ABCC4: variants seen among roughly 807,000 people sequenced by gnomAD.
The protein encoded by ABCC4 is ATP-binding cassette sub-family C member 4.
Under a neutral mutation model 168.5 loss-of-function variants are expected in ABCC4, and 102 were observed. The observed-to-expected ratio is 0.61, with a 90% CI of 0.52 to 0.71. ABCC4 has a LOEUF of 0.71. ABCC4 is among the 30% of genes least tolerant of loss of function. The pLI, the probability that ABCC4 is intolerant of heterozygous loss-of-function variation, is 0.00. For missense variants in ABCC4, 1,402 were observed against 1,605.8 expected, an observed-to-expected ratio of 0.87 and a Z score of 2.17; for synonymous variants, 617 against 590.7, an observed-to-expected ratio of 1.04 and a Z score of -0.65.
At chr13:95,297,198 G>C (rs1347931989) in intron 1 of ABCC4, among the ~76,000 whole-genome samples, 1 of 149,780 alleles carries the variant, frequency 6.7e-6, no homozygotes, top group Non-Finnish European at 1.5e-5. Flanking sequence ...TTGAACCCTG[G>C]AGGCGGAGGT....
chr13:95,106,909 T>C (rs1355066783), intron 20 of ABCC4, among the ~76,000 whole-genome samples: 1 of 152,152 alleles, frequency 6.6e-6, no homozygotes, highest in Non-Finnish European at 1.5e-5. Context: ...CTTTGTTGTC[T>C]AAAATCAAAT....
chr13:95,175,954 G>A (rs923725832), intron 13 of ABCC4, among the ~76,000 whole-genome samples: 2 of 152,154 alleles, frequency 1.3e-5, no homozygotes, highest in East Asian at 1.9e-4. Context: ...ACAGGAACAG[G>A]TGCCTGCCTG....
chr13:95,262,845 G>A (rs2040568365), intron 1 of ABCC4, among the ~76,000 whole-genome samples: 1 of 152,110 alleles, frequency 6.6e-6, no homozygotes, highest in African/African-American at 2.4e-5. Flanking sequence ...ATGTTGGCCA[G>A]GCTGGTCTCG....
intron 30 of ABCC4, among the ~76,000 whole-genome samples, chr13:95,024,433 T>C (rs1437650383): frequency 6.6e-6 from 1 of 152,092 alleles, no homozygotes; most frequent in Admixed American, 6.5e-5. Flanking sequence ...TCCTCTAATG[T>C]AGGTTGAAAC....
chr13:95,241,066 T>C (rs1259344440), intron 3 of ABCC4, among the ~76,000 whole-genome samples: 2 of 152,004 alleles, frequency 1.3e-5, no homozygotes, highest in African/African-American at 4.8e-5. Context: ...ATTGAAGTTA[T>C]TAAAAACCAC....
chr13:95,206,912 G>A, intron 7 of ABCC4, 131 bp from the exon 8 acceptor site: 2 of 1,002,778 alleles, frequency 2.0e-6, no homozygotes, highest in Non-Finnish European at 3.0e-6. Context: ...GACCATCCTG[G>A]GCAACAACAA....
chr13:95,202,087 G>A (rs977903406), intron 8 of ABCC4, among the ~76,000 whole-genome samples: 2 of 152,240 alleles, frequency 1.3e-5, no homozygotes, highest in Admixed American at 6.5e-5. Flanking sequence ...TTTCAGTTGA[G>A]ATTAGCATTT....
intron 20 of ABCC4, among the ~76,000 whole-genome samples, chr13:95,089,738 T>C (rs1465527606): frequency 6.6e-6 from 1 of 152,086 alleles, no homozygotes; most frequent in Non-Finnish European, 1.5e-5. Flanking sequence ...TTTATCAGGT[T>C]AACGAAACAG....
chr13:95,112,307 C>G (rs2619314), intron 20 of ABCC4, among the ~76,000 whole-genome samples: 65,096 of 150,756 alleles, frequency 0.43, 16,164 homozygotes, highest in South Asian at 0.69. Flanking sequence ...GAGCTGAGAT[C>G]GCACCATTGC....
chr13:95,026,852 G>A (rs1179302715), intron 30 of ABCC4, among the ~76,000 whole-genome samples: 6 of 150,810 alleles, frequency 4.0e-5, no homozygotes, highest in Non-Finnish European at 5.9e-5. Flanking sequence ...TTGTGCCACT[G>A]CACTCCAGCC....
intron 19 of ABCC4, among the ~76,000 whole-genome samples, chr13:95,128,740 A>G (rs1398159750): frequency 6.6e-6 from 1 of 152,230 alleles, no homozygotes; most frequent in Non-Finnish European, 1.5e-5. Flanking sequence ...CAATCCAGCA[A>G]AAATCTGTTC....
intron 4 of ABCC4, among the ~76,000 whole-genome samples, chr13:95,225,467 C>G (rs1378163126): frequency 1.3e-5 from 2 of 152,040 alleles, no homozygotes; most frequent in African/African-American, 4.8e-5. Context: ...GTCAGGAGTT[C>G]GAGACCTGCC....
intron 4 of ABCC4, among the ~76,000 whole-genome samples, chr13:95,225,681 A>T (rs958704630): frequency 3.9e-5 from 6 of 152,314 alleles, no homozygotes; most frequent in African/African-American, 1.4e-4. Flanking sequence ...AAAAATAAAT[A>T]AAATAAATAA....
chr13:95,178,622 C>G (rs1566496534), intron 11 of ABCC4, among the ~76,000 whole-genome samples: 1 of 152,138 alleles, frequency 6.6e-6, no homozygotes, highest in Non-Finnish European at 1.5e-5. Flanking sequence ...GAGGAATGAG[C>G]AAGCACAAAA....
intron 26 of ABCC4, among the ~76,000 whole-genome samples, chr13:95,062,053 GCAAA>G (rs1251623891): frequency 2.0e-5 from 3 of 152,140 alleles, no homozygotes; most frequent in African/African-American, 7.2e-5. Flanking sequence ...CACCATCAGA[GCAAA>G]CACTCACTGG....
At chr13:95,232,534 G>C (rs1594346676) in intron 4 of ABCC4, among the ~76,000 whole-genome samples, 1 of 152,138 alleles carries the variant, frequency 6.6e-6, no homozygotes, top group African/African-American at 2.4e-5. Context: ...AAAATTAGCT[G>C]GGTGTGGTGG....
chr13:95,292,659 T>G (rs2138955987), intron 1 of ABCC4, among the ~76,000 whole-genome samples: 1 of 152,316 alleles, frequency 6.6e-6, no homozygotes, highest in Admixed American at 6.5e-5. Flanking sequence ...AGTCACATAA[T>G]GCATTTCCCC....
At chr13:95,190,261 C>T (rs1253536941) in intron 9 of ABCC4, among the ~76,000 whole-genome samples, 7 of 152,144 alleles carry the variant, frequency 4.6e-5, no homozygotes, top group Admixed American at 2.0e-4. Context: ...ATCCCTTGAG[C>T]ACCGGAGGCT....
At chr13:95,281,294 T>A (rs1413625782) in intron 1 of ABCC4, among the ~76,000 whole-genome samples, 2 of 72,988 alleles carry the variant, frequency 2.7e-5, no homozygotes, top group East Asian at 3.9e-4. Context: ...CGACAGAGAC[T>A]CTCTCAAAAA....
Sources: gnomAD v4.1 joint callset for allele counts (sites outside exome capture counted in the v4.1 genomes callset) on GRCh38, gnomAD v4.1.1 for gene constraint, MANE v1.5 for transcripts, NCBI Gene and HGNC (gene_info 2026-07-23, HGNC 2026-07-21) for gene names.